Variants in HIKESHI observed in about 807,000 individuals in gnomAD.
HIKESHI encodes the protein heat shock protein nuclear import factor hikeshi.
A neutral mutation model predicts 25.7 loss-of-function variants in HIKESHI; 13 were observed. The observed-to-expected ratio is 0.51, with a 90% CI of 0.33 to 0.80. HIKESHI has a LOEUF of 0.80. Among genes scored for constraint, HIKESHI ranks in the 30% least tolerant of loss-of-function variants. The pLI, the probability that HIKESHI is intolerant of heterozygous loss-of-function variation, is 0.02. For missense variants in HIKESHI, 174 were observed against 229.5 expected (o/e 0.76, Z 1.56); for synonymous variants, 76 against 78.7 (o/e 0.97, Z 0.18).
intron 2 of HIKESHI, among the ~76,000 whole-genome samples, chr11:86,322,663 T>C (rs1947181096): frequency 1.3e-5 from 2 of 152,236 alleles, no homozygotes; most frequent in African/African-American, 4.8e-5. Context: ...GTTGTGCTTT[T>C]GATGTAAGAA....
At chr11:86,323,164 G>A (rs958587283) in intron 2 of HIKESHI, among the ~76,000 whole-genome samples, 3 of 152,026 alleles carry the variant, frequency 2.0e-5, no homozygotes, top group African/African-American at 4.8e-5. Flanking sequence ...CCAGGAGGCA[G>A]AGGTTACAGT....
intron 3 of HIKESHI, among the ~76,000 whole-genome samples, chr11:86,341,022 T>C (rs568726866): frequency 6.6e-6 from 1 of 152,350 alleles, no homozygotes; most frequent in East Asian, 1.9e-4. Context: ...TTAGAAGCTA[T>C]GATTTTCAAC....
intron 2 of HIKESHI, among the ~76,000 whole-genome samples, chr11:86,320,480 G>T (rs1947119166): frequency 1.3e-5 from 2 of 152,236 alleles, no homozygotes; most frequent in African/African-American, 4.8e-5. Flanking sequence ...GGAGGCTGAG[G>T]CAGGAGAATC....
At chr11:86,337,893 C>T (rs1947614254) in intron 3 of HIKESHI, among the ~76,000 whole-genome samples, 1 of 151,982 alleles carries the variant, frequency 6.6e-6, no homozygotes, top group African/African-American at 2.4e-5. Context: ...GAACTCCAGA[C>T]CTCAGGTGAT....
intron 2 of HIKESHI, among the ~76,000 whole-genome samples, chr11:86,314,753 G>A (rs150585570): frequency 1.3e-3 from 191 of 152,270 alleles, no homozygotes; most frequent in African/African-American, 3.8e-3. Context: ...CCTTCTCAGT[G>A]GGGGTTTCAT....
intron 2 of HIKESHI, among the ~76,000 whole-genome samples, chr11:86,330,089 C>A (rs1349189122): frequency 6.6e-6 from 1 of 151,666 alleles, no homozygotes; most frequent in Non-Finnish European, 1.5e-5. Context: ...GTGTTTTTAG[C>A]CCATAAATCT....
At chr11:86,313,537 A>G (rs917256860) in intron 2 of HIKESHI, among the ~76,000 whole-genome samples, 13 of 152,170 alleles carry the variant, frequency 8.5e-5, no homozygotes, top group Non-Finnish European at 1.9e-4. Context: ...ATAAAAAGAT[A>G]TATTCTCCTA....
intron 1 of HIKESHI, among the ~76,000 whole-genome samples, chr11:86,305,668 G>C (rs937828591): frequency 6.6e-6 from 1 of 152,128 alleles, no homozygotes; most frequent in South Asian, 2.1e-4. Flanking sequence ...GTGAGCCACC[G>C]TGCCTGGCCT....
intron 2 of HIKESHI, among the ~76,000 whole-genome samples, chr11:86,309,901 G>A (rs1410175811): frequency 6.6e-6 from 1 of 151,996 alleles, no homozygotes; most frequent in African/African-American, 2.4e-5. Context: ...TATTATTTCC[G>A]AGGGCTCTAT....
At chr11:86,338,724 C>T (rs182348144) in intron 3 of HIKESHI, among the ~76,000 whole-genome samples, 3 of 152,254 alleles carry the variant, frequency 2.0e-5, no homozygotes, top group Admixed American at 2.0e-4. Context: ...GAATGACAGA[C>T]TCTGGGTCTC....
At chr11:86,339,676 G>A (rs1410113132) in intron 3 of HIKESHI, among the ~76,000 whole-genome samples, 1 of 151,986 alleles carries the variant, frequency 6.6e-6, no homozygotes, top group African/African-American at 2.4e-5. Context: ...GTTTAAACAT[G>A]TTTCTAATTT....
chr11:86,321,778 C>T (rs931286617), intron 2 of HIKESHI, among the ~76,000 whole-genome samples: 2 of 152,176 alleles, frequency 1.3e-5, no homozygotes, highest in African/African-American at 4.8e-5. Context: ...GATCTGCCTG[C>T]CTCAGCCTCC....
chr11:86,321,835 T>C (rs1400768312), intron 2 of HIKESHI, among the ~76,000 whole-genome samples: 1 of 152,158 alleles, frequency 6.6e-6, no homozygotes, highest in Non-Finnish European at 1.5e-5. Context: ...TGGCCTTGTT[T>C]TACATTTCAA....
intron 2 of HIKESHI, among the ~76,000 whole-genome samples, chr11:86,306,773 C>T (rs1013646931): frequency 4.6e-5 from 7 of 151,350 alleles, no homozygotes; most frequent in Non-Finnish European, 7.4e-5. Context: ...CCCTGGCGGG[C>T]GGATCACGAG....
At position 86,306,316 on chromosome 11, in the gene HIKESHI, C is replaced by A. The variant is rs1298771449; in HGVS notation, c.102C>A (p.Asn34Lys). The change falls in exon 2 of 5, where the codon AAC (asparagine) becomes AAA (lysine). Residue 34 changes from asparagine to lysine, a missense_variant. Physicochemically the swap from Asn to Lys is moderately conservative, Grantham distance 94. Coordinates refer to ENST00000278483, the MANE Select transcript of HIKESHI (RefSeq NM_016401.4). ...ACTTACCTGATTATGAAAGTATCAA[C>A]CATGTTGTGGTTTTTATGCTGGGAA... ...VFDLPDYESINHVVVFMLGTI... is the reference protein window; with the variant it reads ...VFDLPDYESIKHVVVFMLGTI... 6.2e-7 allele frequency: 1 copy of A among 1,613,896 alleles called. No homozygotes were observed. The highest frequency in any genetic ancestry group is 1.7e-5 in the Admixed American group (1 of 59,978).
chr11:86,319,699 T>C (rs1947101622), intron 2 of HIKESHI, among the ~76,000 whole-genome samples: 1 of 152,196 alleles, frequency 6.6e-6, no homozygotes, highest in Admixed American at 6.5e-5. Context: ...AATTGGTTGA[T>C]CTCTCAAGTG....
chr11:86,319,240 A>ATTTTTTTTTTT (rs1273706275), intron 2 of HIKESHI, among the ~76,000 whole-genome samples: 1 of 92,984 alleles, frequency 1.1e-5, no homozygotes, highest in African/African-American at 4.5e-5. Flanking sequence ...ATATATATAT[A>ATTTTTTTTTTT]TATTTTTTTT....
chr11:86,330,922 A>G (rs1947405335), intron 2 of HIKESHI, among the ~76,000 whole-genome samples: 1 of 152,220 alleles, frequency 6.6e-6, no homozygotes, highest in African/African-American at 2.4e-5. Flanking sequence ...ACATCTGTTA[A>G]AACCTGTAAC....
chr11:86,316,330 T>G (rs7949770), intron 2 of HIKESHI, among the ~76,000 whole-genome samples: 107,062 of 151,150 alleles, frequency 0.71, 38,225 homozygotes, highest in East Asian at 0.82. Flanking sequence ...TGGCCAACAT[T>G]GTAAAACCCC....
Sources: allele counts gnomAD v4.1 joint callset (sites outside exome capture counted in the v4.1 genomes callset), GRCh38; gene constraint gnomAD v4.1.1; transcripts MANE v1.5; gene names NCBI Gene and HGNC (gene_info 2026-07-23, HGNC 2026-07-21).